The following IFIH1 variants were observed in gnomAD, a reference collection of about 807,000 sequenced individuals.
IFIH1 encodes interferon-induced helicase C domain-containing protein 1.
Under a neutral mutation model 107.4 loss-of-function variants are expected in IFIH1, and 125 were observed. The observed-to-expected ratio is 1.16, with a 90% CI of 1.01 to 1.35. The LOEUF (loss-of-function observed/expected upper bound fraction) is 1.35, where lower values mean the gene tolerates loss of function less well. IFIH1 is among the 40% of genes most tolerant of loss of function. The pLI, the probability that IFIH1 is intolerant of heterozygous loss-of-function variation, is 0.00. For missense variants in IFIH1, 1,333 were observed against 1,213.7 expected, an observed-to-expected ratio of 1.10 and a Z score of -1.46; for synonymous variants, 458 against 413.2, an observed-to-expected ratio of 1.11 and a Z score of -1.31.
intron 3 of IFIH1, among the ~76,000 whole-genome samples, chr2:162,294,080 A>C (rs998029040): frequency 3.9e-5 from 6 of 151,994 alleles, no homozygotes; most frequent in Admixed American, 2.0e-4. Flanking sequence ...TTAATAAAGT[A>C]CAAAAATTAA....
intron 5 of IFIH1, among the ~76,000 whole-genome samples, chr2:162,283,534 T>C (rs1682845730): frequency 6.6e-6 from 1 of 151,972 alleles, no homozygotes; most frequent in Non-Finnish European, 1.5e-5. Flanking sequence ...GTGTACAATA[T>C]GGGAAACAGA....
intron 5 of IFIH1, among the ~76,000 whole-genome samples, chr2:162,284,671 G>C (rs1459921990): frequency 6.6e-6 from 1 of 151,876 alleles, no homozygotes; most frequent in Non-Finnish European, 1.5e-5. Flanking sequence ...GAATAATAAA[G>C]ACTACCTTAT....
At chr2:162,296,807 T>G (rs904185076) in intron 3 of IFIH1, among the ~76,000 whole-genome samples, 2 of 152,148 alleles carry the variant, frequency 1.3e-5, no homozygotes, top group South Asian at 4.1e-4. Context: ...CACACCTCTT[T>G]TTAAACTTTT....
At chr2:162,301,508 T>C (rs1031486144) in intron 3 of IFIH1, among the ~76,000 whole-genome samples, 3 of 152,216 alleles carry the variant, frequency 2.0e-5, no homozygotes, top group Non-Finnish European at 4.4e-5. Flanking sequence ...TGCAATAAAG[T>C]TGACTTAGTT....
chr2:162,272,377 C>T lies in IFIH1; in HGVS notation c.2465G>A (p.Arg822Gln), dbSNP rs376048533. 14 of 1,611,990 alleles carry T rather than the reference C, an allele frequency of 8.7e-6. No individual in the cohort carries two copies. Among genetic ancestry groups the T allele is most frequent in the Admixed American group, 1.7e-5 (1 of 59,368 alleles). Residue 822 changes from arginine (R) to glutamine (Q), a missense_variant, in exon 13 of 16, where the codon CGA (arginine) becomes CAA (glutamine). Transcript: ENST00000649979. ...NEIAMVQARGRARADESTYVL... is the reference protein window; with the variant it reads ...NEIAMVQARGQARADESTYVL... ...GTAGGTGCTCTCATCAGCTCTGGCT[C>T]GACCACGGGCCTGAAAACACAAATA...
rs776791441 is a variant in IFIH1, at chr2:162,318,185, C to T, written c.123G>A (p.Glu41=). 6.2e-7 allele frequency: 1 copy of T among 1,614,226 alleles called. No individual in the cohort carries two copies. The highest frequency in any genetic ancestry group is 8.5e-7 in the Non-Finnish European group (1 of 1,180,032). The change falls in exon 1 of 16, where the codon GAG becomes GAA. Residue 41 remains glutamate, a synonymous_variant. Coordinates refer to ENST00000649979, the MANE Select transcript of IFIH1 (RefSeq NM_022168.4). Reference sequence around the variant, plus strand: ...CTGTCCTCTGAATCTGCTCCTTCACCTCTGCAGGCAGAAAGGTCAGGTAGT... The same window carrying T: ...CTGTCCTCTGAATCTGCTCCTTCACTTCTGCAGGCAGAAAGGTCAGGTAGT... ...VLDYLTFLPA[E]VKEQIQRTVA...
chr2:162,304,492 A>G (rs1193392113), intron 3 of IFIH1, among the ~76,000 whole-genome samples: 2 of 152,164 alleles, frequency 1.3e-5, no homozygotes, highest in Non-Finnish European at 2.9e-5. Context: ...GAACCCCCAA[A>G]AAAAGAAAAA....
At chr2:162,303,499 T>G (rs182565412) in intron 3 of IFIH1, among the ~76,000 whole-genome samples, 2 of 152,266 alleles carry the variant, frequency 1.3e-5, no homozygotes, top group Non-Finnish European at 2.9e-5. Context: ...AAGCCATTTC[T>G]GTTATGTTCC....
At chr2:162,270,694 A>G (rs1398582814) in intron 13 of IFIH1, among the ~76,000 whole-genome samples, 3 of 152,142 alleles carry the variant, frequency 2.0e-5, no homozygotes, top group Non-Finnish European at 4.4e-5. Flanking sequence ...CCCCCAAAAA[A>G]CTACTCTTAA....
chr2:162,271,461 G>T (rs1691037170), intron 13 of IFIH1, among the ~76,000 whole-genome samples: 1 of 131,150 alleles, frequency 7.6e-6, no homozygotes, highest in Non-Finnish European at 1.6e-5. Context: ...CTGTCGTGGG[G>T]TGGGGGGAGG....
rs146300062 is a variant in IFIH1 at position 162,277,492 on chromosome 2, C to A, written c.1967G>T (p.Gly656Val). Residue 656 changes from glycine to valine, a missense_variant, in exon 10 of 16, where the codon GGT becomes GTT. Transcript: ENST00000649979. The stretch of plus-strand genomic sequence containing the variant: ...CTTTAAATCATCCTCATCTTCATCA[C>A]CATCACAATACTCATCATCACCACC... ...DEGGDDEYCDGDEDEDDLKKP... is the reference protein window; with the variant it reads ...DEGGDDEYCDVDEDEDDLKKP... The A allele has an allele frequency of 1.3e-6, 2 of 1,594,408 alleles. No individual in the cohort carries two copies. The highest frequency in any genetic ancestry group is 2.7e-5 in the African/African-American group (2 of 74,544).
chr2:162,281,449 T>C lies in IFIH1; in HGVS notation c.1403A>G (p.Asn468Ser), dbSNP rs1329711629. The C allele has an allele frequency of 3.7e-6, 6 of 1,612,394 alleles. No individual in the cohort carries two copies. Among genetic ancestry groups the C allele is most frequent in the East Asian group, 2.2e-5 (1 of 44,856 alleles). The change falls in exon 7 of 16, where the codon AAC becomes AGC. Residue 468 changes from asparagine (N) to serine (S), a missense_variant. Coordinates refer to ENST00000649979, the MANE Select transcript of IFIH1 (RefSeq NM_022168.4). Reference protein sequence around the residue: ...MRHYLMQKLKNNRLKKENKPV... With the variant: ...MRHYLMQKLKSNRLKKENKPV... ...TTTGTTTTCTTTCTTGAGTCTATTG[T>C]TTTTCAACTTCTGCATCAAATAATG...
intron 2 of IFIH1, among the ~76,000 whole-genome samples, chr2:162,309,028 A>G (rs936753845): frequency 2.6e-5 from 4 of 152,176 alleles, no homozygotes; most frequent in East Asian, 1.9e-4. Flanking sequence ...CCATAATACA[A>G]TGGTGGGACA....
intron 4 of IFIH1, among the ~76,000 whole-genome samples, chr2:162,292,719 C>T (rs1458924796): frequency 6.6e-6 from 1 of 151,768 alleles, no homozygotes; most frequent in Non-Finnish European, 1.5e-5. Context: ...TTAGCTGGCC[C>T]CTTGCAAAGC....
intron 1 of IFIH1, among the ~76,000 whole-genome samples, chr2:162,314,030 G>A (rs1683427407): frequency 6.6e-6 from 1 of 152,008 alleles, no homozygotes; most frequent in Non-Finnish European, 1.5e-5. Flanking sequence ...AACTGGCCAG[G>A]GATGAAACAT....
intron 14 of IFIH1, 88 bp from the exon 15 acceptor site, chr2:162,267,657 C>T (rs1690952842): frequency 2.1e-6 from 2 of 938,560 alleles, no homozygotes; most frequent in Non-Finnish European, 3.4e-6. Flanking sequence ...GGAGCTCATC[C>T]GCATGCCTGC....
At chr2:162,301,231 G>T (rs1043864532) in intron 3 of IFIH1, among the ~76,000 whole-genome samples, 1 of 152,136 alleles carries the variant, frequency 6.6e-6, no homozygotes, top group South Asian at 2.1e-4. Context: ...AAATCTTCAC[G>T]TGAACGAATA....
intron 1 of IFIH1, among the ~76,000 whole-genome samples, chr2:162,316,658 G>A (rs965813583): frequency 6.6e-6 from 1 of 151,918 alleles, no homozygotes; most frequent in Admixed American, 6.6e-5. Context: ...AAGAGAGAGA[G>A]AGAAAAAAAC....
chr2:162,300,136 A>T (rs7563980), intron 3 of IFIH1, among the ~76,000 whole-genome samples: 11,476 of 152,088 alleles, frequency 0.075, 1,451 homozygotes, highest in African/African-American at 0.26. Flanking sequence ...GTTTTCCTTC[A>T]TTAGAGTATA....
Sources: gnomAD v4.1 joint callset for allele counts (sites outside exome capture counted in the v4.1 genomes callset) on GRCh38, gnomAD v4.1.1 for gene constraint, MANE v1.5 for transcripts, NCBI Gene and HGNC (gene_info 2026-07-23, HGNC 2026-07-21) for gene names.